TMEM60: variants seen among roughly 807,000 people sequenced by gnomAD.
TMEM60 encodes the protein chromosome 7 open reading frame 35.
Under a neutral mutation model 10.7 loss-of-function variants are expected in TMEM60, and 4 were observed. The observed-to-expected ratio is 0.37, with a 90% CI of 0.18 to 0.86. The LOEUF (loss-of-function observed/expected upper bound fraction) is 0.86, where lower values mean the gene tolerates loss of function less well. TMEM60 is among the 40% of genes least tolerant of loss of function. The pLI is 0.43. For missense variants in TMEM60, 128 were observed against 153.4 expected, an observed-to-expected ratio of 0.83 and a Z score of 0.88; for synonymous variants, 56 against 58.1, an observed-to-expected ratio of 0.96 and a Z score of 0.17.
At chr7:77,796,866 TTAAA>T (rs1452078387) in intron 1 of TMEM60, among the ~76,000 whole-genome samples, 7 of 152,310 alleles carry the variant, frequency 4.6e-5, no homozygotes, top group African/African-American at 1.2e-4. Flanking sequence ...CTCTACTACT[TTAAA>T]TAGTGGGTGG....
intron 1 of TMEM60, 38 bp from the exon 2 acceptor site, chr7:77,794,461 C>A: frequency 1.5e-6 from 2 of 1,347,104 alleles, no homozygotes; most frequent in Non-Finnish European, 1.9e-6. Flanking sequence ...GTTTTGATAC[C>A]AGAAAAAAAG....
chr7:77,796,070 T>C (rs1792164429), intron 1 of TMEM60, among the ~76,000 whole-genome samples: 1 of 152,130 alleles, frequency 6.6e-6, no homozygotes, highest in African/African-American at 2.4e-5. Context: ...CCCAAGTAGC[T>C]GGGATTACAA....
rs907564594 is a variant in TMEM60, at chr7:77,794,172, G to C, written c.202C>G (p.Arg68Gly). The change falls in exon 2 of 2, where the codon CGA becomes GGA. Residue 68 changes from arginine to glycine, a missense_variant. Transcript: ENST00000257663. Reference sequence around the variant, plus strand: ...TTTTTAATATTGTGTGATCCATGTCGAGGGTCAAAGCCAGACTTACACCGC... The same window carrying C: ...TTTTTAATATTGTGTGATCCATGTCCAGGGTCAAAGCCAGACTTACACCGC... Reference protein sequence around the residue: ...AGRCKSGFDPRHGSHNIKKKA... With the variant: ...AGRCKSGFDPGHGSHNIKKKA... 2 of 1,613,202 alleles carry C rather than the reference G, an allele frequency of 1.2e-6. No homozygotes were observed. The highest frequency in any genetic ancestry group is 1.7e-6 in the Non-Finnish European group (2 of 1,179,850).
Position 77,793,841 on chromosome 7 carries a change from T to C in TMEM60, c.*131A>G. The C allele has an allele frequency of 2.0e-6, 2 of 1,019,586 alleles. No individual in the cohort carries two copies. The highest frequency in any genetic ancestry group is 2.7e-6 in the Non-Finnish European group (2 of 741,378). The allele number at this position is 1,019,586 out of a possible 1,614,324, so 63.2% of individuals were successfully genotyped here. A position where few individuals can be genotyped will look rare whatever the true frequency, so the allele number is the denominator to read the frequency against. ...AGTCCGTGATTCACCAATCCTGTTTTATGGAAGTAGTATAAAACTACATTT... is the reference window on the plus strand; with the variant it reads ...AGTCCGTGATTCACCAATCCTGTTTCATGGAAGTAGTATAAAACTACATTT... On this transcript the variant is annotated 3_prime_UTR_variant, in exon 2 of 2. Transcript: ENST00000257663.
chr7:77,793,985 A>G lies in TMEM60; in HGVS notation c.389T>C (p.Phe130Ser). The change falls in exon 2 of 2, where the codon TTT becomes TCT. Residue 130 changes from phenylalanine (F) to serine (S), a missense_variant. Physicochemically the swap from Phe to Ser is radical, Grantham distance 155. Coordinates refer to ENST00000257663, the MANE Select transcript of TMEM60 (RefSeq NM_032936.4). ...ALTELGYNVF[F>S]VRD ...TGTACTTAGAAGTCAGTCTCTCACAAAAAAGACATTATATCCGAGTTCTGT... is the reference window on the plus strand; with the variant it reads ...TGTACTTAGAAGTCAGTCTCTCACAGAAAAGACATTATATCCGAGTTCTGT... 6.4e-7 allele frequency: 1 copy of G among 1,569,212 alleles called. No individual in the cohort carries two copies. The highest frequency in any genetic ancestry group is 8.6e-7 in the Non-Finnish European group (1 of 1,161,894).
chr7:77,797,857 T>C (rs1279934610), intron 1 of TMEM60, among the ~76,000 whole-genome samples: 1 of 152,128 alleles, frequency 6.6e-6, no homozygotes, highest in Non-Finnish European at 1.5e-5. Flanking sequence ...AGCCCACATA[T>C]TTATTCTTCT....
intron 1 of TMEM60, among the ~76,000 whole-genome samples, chr7:77,795,513 C>CT (rs1010781852): frequency 1.8e-4 from 21 of 116,854 alleles, no homozygotes; most frequent in Non-Finnish European, 3.1e-4. Context: ...AGACCACTGT[C>CT]TAAAAAAAAA....
rs1471091679 is a variant in TMEM60, at chr7:77,794,113, T to C, written c.261A>G (p.Lys87=). The change falls in exon 2 of 2, where the codon AAA becomes AAG. Residue 87 remains lysine, a synonymous_variant. Transcript: ENST00000257663. The part of the protein sequence containing the change: ...KAWYLIAMLL[K]LAFCLALCAK... ...CACAGAGTGCGAGGCAGAAGGCTAATTTAAGTAACATTGCAATGAGGTACC... is the reference window on the plus strand; with the variant it reads ...CACAGAGTGCGAGGCAGAAGGCTAACTTAAGTAACATTGCAATGAGGTACC... 9 of 1,614,004 alleles carry C rather than the reference T, an allele frequency of 5.6e-6. No homozygotes were observed. Among genetic ancestry groups the C allele is most frequent in the Non-Finnish European group, 7.6e-6 (9 of 1,180,028 alleles).
chr7:77,794,651 C>G (rs1028820500), intron 1 of TMEM60, among the ~76,000 whole-genome samples: 11 of 152,330 alleles, frequency 7.2e-5, no homozygotes, highest in African/African-American at 2.6e-4. Context: ...TGTATAAGCT[C>G]TATTCAAAAT....
chr7:77,793,867 G>T lies in TMEM60; in HGVS notation c.*105C>A. ...ATGGAAGTAGTATAAAACTACATTTGGTATTTTCCCTCAGTTCTCTGGTAT... is the reference window on the plus strand; with the variant it reads ...ATGGAAGTAGTATAAAACTACATTTTGTATTTTCCCTCAGTTCTCTGGTAT... On this transcript the variant is annotated 3_prime_UTR_variant, in exon 2 of 2. Transcript: ENST00000257663. 1 of 1,262,644 alleles carries T rather than the reference G, an allele frequency of 7.9e-7. No individual in the cohort carries two copies. The highest frequency in any genetic ancestry group is 1.1e-6 in the Non-Finnish European group (1 of 946,744). The allele number at this position is 1,262,644 out of a possible 1,614,324, so 78.2% of individuals were successfully genotyped here. A position where few individuals can be genotyped will look rare whatever the true frequency, so the allele number is the denominator to read the frequency against.
rs147234134 is a variant in TMEM60 at position 77,794,133 on chromosome 7, G to A, written c.241C>T (p.Leu81Phe). ...SHNIKKKAWY[L>F]IAMLLKLAFC... The stretch of plus-strand genomic sequence containing the variant: ...GCTAATTTAAGTAACATTGCAATGA[G>A]GTACCAGGCTTTTTTTTTAATATTG... Residue 81 changes from leucine (L) to phenylalanine (F), a missense_variant, in exon 2 of 2, where the codon CTC becomes TTC. By Grantham distance (22) the Leu-to-Phe change is conservative. Coordinates refer to ENST00000257663, the MANE Select transcript of TMEM60 (RefSeq NM_032936.4). 1.4e-3 allele frequency: 2,280 copies of A among 1,613,764 alleles called. 3 individuals are homozygous for A. The highest frequency in any genetic ancestry group is 1.8e-3 in the Non-Finnish European group (2,158 of 1,179,960).
At chr7:77,796,187 C>T (rs1198694980) in intron 1 of TMEM60, among the ~76,000 whole-genome samples, 1 of 152,256 alleles carries the variant, frequency 6.6e-6, no homozygotes, top group East Asian at 1.9e-4. Context: ...ATCCACCCAC[C>T]TCAGCCTCCC....
rs747829933 is a variant in TMEM60, at chr7:77,794,338, G to A, written c.36C>T (p.Thr12=). 90 of 1,601,028 alleles carry A rather than the reference G, an allele frequency of 5.6e-5. No individual in the cohort carries two copies. The highest frequency in any genetic ancestry group is 7.3e-5 in the Non-Finnish European group (86 of 1,175,032). Residue 12 remains threonine (T), a synonymous_variant, in exon 2 of 2, where the codon ACC becomes ACT. Transcript: ENST00000257663. ...RMSLAQRVLL[T]WLFTLLFLIM... is the part of the protein sequence containing the mutation. ...TCAAGAAGAGTAGTGTGAAAAGCCA[G>A]GTGAGTAGTACTCTCTGAGCCAAGG...
chr7:77,795,940 ATTTT>A (rs59308242), intron 1 of TMEM60, among the ~76,000 whole-genome samples: 1 of 146,086 alleles, frequency 6.8e-6, no homozygotes, highest in Non-Finnish European at 1.5e-5. Flanking sequence ...CTTTTCTAGA[ATTTT>A]TTTTTTTTTT....
intron 1 of TMEM60, among the ~76,000 whole-genome samples, chr7:77,795,972 T>A (rs919384871): frequency 1.3e-5 from 2 of 152,096 alleles, no homozygotes; most frequent in African/African-American, 4.8e-5. Flanking sequence ...AGTCTCACTC[T>A]TGTCACTCAG....
intron 1 of TMEM60, 37 bp downstream of exon 1, chr7:77,798,217 G>C (rs995296853): frequency 6.6e-6 from 1 of 152,378 alleles, no homozygotes; most frequent in African/African-American, 2.4e-5. Flanking sequence ...ACCAGCGCCG[G>C]CGTACGGTGC....
At position 77,798,411 on chromosome 7, in the gene TMEM60, T is replaced by G. The variant is rs1238830712; in HGVS notation, c.-208A>C. ...CTTCAGTTCCGCCTCCTCAAACGAC[T>G]GCGGTAGAGGATCTCTCAGTTCTAC... is the stretch of plus-strand genomic sequence containing the variant. On this transcript the variant is annotated 5_prime_UTR_variant, in exon 1 of 2. Coordinates refer to ENST00000257663, the MANE Select transcript of TMEM60 (RefSeq NM_032936.4). The G allele has an allele frequency of 3.9e-5, 6 of 152,270 alleles. No homozygotes were observed. Among genetic ancestry groups the G allele is most frequent in the African/African-American group, 1.2e-4 (5 of 41,452 alleles). The allele number at this position is 152,270 out of a possible 1,614,324, so 9.4% of individuals were successfully genotyped here. A position where few individuals can be genotyped will look rare whatever the true frequency, so the allele number is the denominator to read the frequency against.
chr7:77,795,673 T>C (rs6955067), intron 1 of TMEM60, among the ~76,000 whole-genome samples: 25,194 of 152,180 alleles, frequency 0.17, 2,425 homozygotes, highest in African/African-American at 0.26. Context: ...TTTTTTTCCT[T>C]TTAACAATAG....
At chr7:77,797,784 C>A (rs1229932211) in intron 1 of TMEM60, among the ~76,000 whole-genome samples, 2 of 152,222 alleles carry the variant, frequency 1.3e-5, no homozygotes, top group African/African-American at 4.8e-5. Flanking sequence ...TTTCCCTTCT[C>A]TCGCCACTGC....
Sources: gnomAD v4.1 joint callset for allele counts (sites outside exome capture counted in the v4.1 genomes callset) on GRCh38, gnomAD v4.1.1 for gene constraint, MANE v1.5 for transcripts, NCBI Gene and HGNC (gene_info 2026-07-23, HGNC 2026-07-21) for gene names.